Variants in AGBL4 observed in about 807,000 individuals in gnomAD.
The protein encoded by AGBL4 is cytosolic carboxypeptidase 6.
Under a neutral mutation model 66.4 loss-of-function variants are expected in AGBL4, and 58 were observed. The ratio of observed to expected loss-of-function variants is 0.87; its 90% CI spans 0.71 to 1.09. AGBL4 has a LOEUF of 1.09. Ranked by LOEUF, AGBL4 falls within the 50% of genes least tolerant of loss-of-function variation. The pLI, the probability that AGBL4 is intolerant of heterozygous loss-of-function variation, is 0.00. For missense variants in AGBL4, 579 were observed against 631.0 expected, an observed-to-expected ratio of 0.92 and a Z score of 0.88; for synonymous variants, 234 against 222.9, an observed-to-expected ratio of 1.05 and a Z score of -0.44.
intron 3 of AGBL4, among the ~76,000 whole-genome samples, chr1:49,684,459 GC>G (rs1325241218): frequency 6.6e-6 from 1 of 151,940 alleles, no homozygotes; most frequent in Non-Finnish European, 1.5e-5. Context: ...TAATTGTTCA[GC>G]AGTTAAAAAA....
chr1:48,576,251 G>A (rs1569855888), intron 11 of AGBL4, among the ~76,000 whole-genome samples: 2 of 152,278 alleles, frequency 1.3e-5, no homozygotes, highest in East Asian at 3.9e-4. Flanking sequence ...GCATATGAGG[G>A]ATGTAGGTTG....
chr1:48,918,211 A>C (rs1485520427), intron 5 of AGBL4, among the ~76,000 whole-genome samples: 1 of 152,210 alleles, frequency 6.6e-6, no homozygotes, highest in Non-Finnish European at 1.5e-5. Context: ...TGGGGGCCTC[A>C]TTATCCCCCA....
intron 9 of AGBL4, among the ~76,000 whole-genome samples, chr1:48,608,543 G>GTGGA (rs111391043): frequency 0.18 from 27,250 of 151,188 alleles, 2,982 homozygotes; most frequent in African/African-American, 0.31. Context: ...AGTCAGAGAA[G>GTGGA]TGGATGGATG....
chr1:49,991,094 AC>A (rs1659907491), intron 1 of AGBL4, among the ~76,000 whole-genome samples: 1 of 152,214 alleles, frequency 6.6e-6, no homozygotes, highest in African/African-American at 2.4e-5. Context: ...AGTGAAATAC[AC>A]CCAGTGAAGC....
intron 4 of AGBL4, among the ~76,000 whole-genome samples, chr1:49,207,105 CT>C (rs1252482183): frequency 6.6e-6 from 1 of 151,948 alleles, no homozygotes; most frequent in African/African-American, 2.4e-5. Flanking sequence ...GGGCAAATAG[CT>C]TTTTTAAAAA....
At chr1:49,547,215 A>C (rs1652560876) in intron 3 of AGBL4, among the ~76,000 whole-genome samples, 1 of 152,288 alleles carries the variant, frequency 6.6e-6, no homozygotes, top group Non-Finnish European at 1.5e-5. Context: ...TCATTCTCCT[A>C]CATGTGGCTA....
intron 3 of AGBL4, among the ~76,000 whole-genome samples, chr1:49,392,698 TACACACAC>T (rs55786055): frequency 0.014 from 2,031 of 147,578 alleles, 18 homozygotes; most frequent in African/African-American, 0.027. Flanking sequence ...CAACTGTGTA[TACACACAC>T]ACACACACAC....
chr1:49,675,514 A>G (rs1646561587), intron 3 of AGBL4, among the ~76,000 whole-genome samples: 1 of 151,476 alleles, frequency 6.6e-6, no homozygotes, highest in Non-Finnish European at 1.5e-5. Context: ...TACACAATAC[A>G]CTCATGTAAC....
intron 4 of AGBL4, among the ~76,000 whole-genome samples, chr1:49,177,222 A>C (rs934415545): frequency 6.6e-6 from 1 of 152,174 alleles, no homozygotes; most frequent in Admixed American, 6.5e-5. Context: ...CAGAAACATA[A>C]AAATAATGTC....
At chr1:49,399,714 G>A (rs1645044716) in intron 3 of AGBL4, among the ~76,000 whole-genome samples, 2 of 152,014 alleles carry the variant, frequency 1.3e-5, no homozygotes, top group Non-Finnish European at 2.9e-5. Flanking sequence ...TTCCTACAGA[G>A]TTGTTTGAGC....
At chr1:49,585,546 C>T (rs76664691) in intron 3 of AGBL4, among the ~76,000 whole-genome samples, 8,088 of 152,068 alleles carry the variant, frequency 0.053, 243 homozygotes, top group African/African-American at 0.071. Flanking sequence ...GCTAACATGC[C>T]TAATGAGCTT....
intron 3 of AGBL4, among the ~76,000 whole-genome samples, chr1:49,615,210 C>T (rs1251866140): frequency 1.3e-5 from 2 of 152,040 alleles, no homozygotes; most frequent in Non-Finnish European, 1.5e-5. Flanking sequence ...TTCTGTCTTC[C>T]AAAGGAGAGG....
At chr1:49,820,901 T>A (rs1002375865) in intron 2 of AGBL4, among the ~76,000 whole-genome samples, 1 of 152,214 alleles carries the variant, frequency 6.6e-6, no homozygotes, top group Non-Finnish European at 1.5e-5. Context: ...TCTTAATTTC[T>A]TCAACTTCCT....
At chr1:48,837,711 CTATATATA>C (rs58650623) in intron 6 of AGBL4, among the ~76,000 whole-genome samples, 1,098 of 82,298 alleles carry the variant, frequency 0.013, 34 homozygotes, top group African/African-American at 0.043. Flanking sequence ...CACACACACA[CTATATATA>C]TATATATATA....
intron 6 of AGBL4, among the ~76,000 whole-genome samples, chr1:48,843,818 A>G (rs970540673): frequency 2.0e-5 from 3 of 152,136 alleles, no homozygotes; most frequent in Non-Finnish European, 2.9e-5. Flanking sequence ...AGATAATAGA[A>G]CTGGAACTTC....
intron 6 of AGBL4, among the ~76,000 whole-genome samples, chr1:48,854,156 A>G (rs1647093621): frequency 6.6e-6 from 1 of 152,224 alleles, no homozygotes; most frequent in Non-Finnish European, 1.5e-5. Context: ...GCAGTTTAAC[A>G]TCTTTCATAA....
chr1:50,022,484 TAA>T (rs1158542351), intron 1 of AGBL4, among the ~76,000 whole-genome samples: 1 of 152,106 alleles, frequency 6.6e-6, no homozygotes, highest in East Asian at 1.9e-4. Context: ...AGCTACTCAA[TAA>T]AACAGAGGTG....
chr1:49,629,491 T>G (rs1042112257), intron 3 of AGBL4, among the ~76,000 whole-genome samples: 8 of 152,204 alleles, frequency 5.3e-5, no homozygotes. Context: ...TATATTGATC[T>G]CAATTATACA....
intron 2 of AGBL4, among the ~76,000 whole-genome samples, chr1:49,827,665 T>C (rs1422856690): frequency 6.6e-6 from 1 of 152,200 alleles, no homozygotes; most frequent in Non-Finnish European, 1.5e-5. Context: ...TATGATACTT[T>C]TACAGTCATT....
Sources: allele counts gnomAD v4.1 joint callset (sites outside exome capture counted in the v4.1 genomes callset), GRCh38; gene constraint gnomAD v4.1.1; transcripts MANE v1.5; gene names NCBI Gene and HGNC (gene_info 2026-07-23, HGNC 2026-07-21).